The following OCA2 variants were observed in gnomAD, a reference collection of about 807,000 sequenced individuals.
OCA2 encodes the protein OCA2 melanosomal transmembrane protein, also known as P protein.
In OCA2, 77 loss-of-function variants were observed where a neutral mutation model predicts 100.2. That is an observed-to-expected ratio of 0.77 (90% CI 0.64 to 0.93). The LOEUF is 0.93. OCA2 is among the 40% of genes least tolerant of loss of function. The probability of loss-of-function intolerance (pLI) is 0.00; values close to 1 mark genes in which losing one functional copy is unlikely to be tolerated. For synonymous variants in OCA2, 432 were observed against 439.2 expected (o/e 0.98, Z 0.21); for missense variants, 1,062 against 1,089.1 (o/e 0.98, Z 0.35).
chr15:27,799,163 G>A (rs930044579), intron 23 of OCA2, among the ~76,000 whole-genome samples: 1 of 152,150 alleles, frequency 6.6e-6, no homozygotes, highest in Non-Finnish European at 1.5e-5. Flanking sequence ...GGAGACGATC[G>A]CTTCTGCATT....
chr15:27,827,144 A>G lies in OCA2; in HGVS notation c.2432+17815T>C, dbSNP rs200765176. 5.9e-5 allele frequency among the ~76,000 whole-genome samples: 9 copies of G among 152,330 alleles called. No individual in the cohort carries two copies. The East Asian group carries it at 1.7e-3, about 29-fold the overall frequency. Reference sequence around the variant, plus strand: ...TCATCAGTCTATTAAACTCAGCTTCATTCTCCACGGATATGAAACATATAA... The same window carrying G: ...TCATCAGTCTATTAAACTCAGCTTCGTTCTCCACGGATATGAAACATATAA... On this transcript the variant is annotated intron_variant, in intron 23 of 23. Transcript: ENST00000354638.
chr15:27,919,261 T>A (rs1476937964), intron 19 of OCA2, among the ~76,000 whole-genome samples: 1 of 152,154 alleles, frequency 6.6e-6, no homozygotes, highest in Non-Finnish European at 1.5e-5. Context: ...CTGGCCATAA[T>A]CCTTCATATT....
At chr15:28,004,482 C>T (rs1013424694) in intron 9 of OCA2, among the ~76,000 whole-genome samples, 6 of 152,228 alleles carry the variant, frequency 3.9e-5, no homozygotes, top group African/African-American at 1.4e-4. Context: ...CACACACCCA[C>T]ACACAGACAC....
chr15:27,871,225 T>A lies in OCA2; in HGVS notation c.2173A>T (p.Ile725Phe). 3.1e-6 allele frequency: 5 copies of A among 1,614,062 alleles called. No homozygotes were observed. The highest frequency in any genetic ancestry group is 4.2e-6 in the Non-Finnish European group (5 of 1,179,990). The change falls in exon 21 of 24, where the codon ATT (isoleucine) becomes TTT (phenylalanine). Residue 725 changes from isoleucine (I) to phenylalanine (F), a missense_variant. Coordinates refer to ENST00000354638, the MANE Select transcript of OCA2 (RefSeq NM_000275.3). Reference protein sequence around the residue: ...VPEEQRLIAAIVLVVWVSALA... With the variant: ...VPEEQRLIAAFVLVVWVSALA... ...GCTGAGACCCACACCACCAGGACAA[T>A]GGCGGCTATGAGGCGCTGCTCCTCT...
At chr15:27,875,941 A>C (rs1202401526) in intron 19 of OCA2, among the ~76,000 whole-genome samples, 4 of 152,050 alleles carry the variant, frequency 2.6e-5, no homozygotes, top group Admixed American at 2.6e-4. Context: ...GATTTTCTAC[A>C]TAAACAATCA....
At chr15:27,965,622 G>A (rs2040540017) in intron 15 of OCA2, among the ~76,000 whole-genome samples, 1 of 152,160 alleles carries the variant, frequency 6.6e-6, no homozygotes, top group Non-Finnish European at 1.5e-5. Context: ...AAGACAAACT[G>A]AGATCCTGTA....
intron 16 of OCA2, 48 bp from the exon 17 acceptor site, chr15:27,955,263 GGT>G (rs1567152517): frequency 7.5e-7 from 1 of 1,339,508 alleles, no homozygotes; most frequent in Non-Finnish European, 1.1e-6. Context: ...CACGCTGCGT[GGT>G]GAGATCGCGG....
At position 27,915,489 on chromosome 15, in the gene OCA2, A is replaced by G. The variant is rs940883326; in HGVS notation, c.2079+10638T>C. Among the ~76,000 whole-genome samples, 4 of 152,316 alleles carry G rather than the reference A, an allele frequency of 2.6e-5. No individual in the cohort carries two copies. In the East Asian group the frequency reaches 5.8e-4, roughly 22 times the overall value. On this transcript the variant is annotated intron_variant, in intron 19 of 23. Transcript: ENST00000354638. ...GACAAAGGTCTAATATTCAGAATCTATAAGAGACTTAAACAAATTTACAAG... is the reference window on the plus strand; with the variant it reads ...GACAAAGGTCTAATATTCAGAATCTGTAAGAGACTTAAACAAATTTACAAG...
intron 1 of OCA2, among the ~76,000 whole-genome samples, chr15:28,086,049 G>T (rs1457318080): frequency 6.6e-6 from 1 of 152,200 alleles, no homozygotes; most frequent in Admixed American, 6.5e-5. Context: ...CTTCGCAAAA[G>T]GCTGAGTAGG....
chr15:27,839,227 A>T (rs1475605466), intron 23 of OCA2, among the ~76,000 whole-genome samples: 1 of 150,068 alleles, frequency 6.7e-6, no homozygotes, highest in Non-Finnish European at 1.5e-5. Context: ...GAACAAAGGT[A>T]ATCACTAGAT....
intron 10 of OCA2, among the ~76,000 whole-genome samples, 179 bp from the exon 11 acceptor site, chr15:27,989,845 G>C (rs915228486): frequency 6.6e-6 from 1 of 152,176 alleles, no homozygotes; most frequent in Admixed American, 6.5e-5. Flanking sequence ...TCTTGACCCA[G>C]GGCATCTATA....
intron 23 of OCA2, among the ~76,000 whole-genome samples, chr15:27,763,546 C>A (rs1441673977): frequency 6.6e-6 from 1 of 152,218 alleles, no homozygotes; most frequent in African/African-American, 2.4e-5. Context: ...AAAGATGCCT[C>A]ACATCACTAG....
intron 19 of OCA2, among the ~76,000 whole-genome samples, chr15:27,894,468 T>C (rs768024339): frequency 2.6e-5 from 4 of 152,230 alleles, no homozygotes; most frequent in Non-Finnish European, 4.4e-5. Flanking sequence ...AGAATTCGTA[T>C]AGAGATGTGC....
chr15:27,883,591 G>A (rs1414901867), intron 19 of OCA2, among the ~76,000 whole-genome samples: 4 of 152,098 alleles, frequency 2.6e-5, no homozygotes, highest in Middle Eastern at 3.2e-3. Flanking sequence ...GGAGATCAAC[G>A]AGCATCACAC....
chr15:27,763,377 A>C (rs1028554988), intron 23 of OCA2, among the ~76,000 whole-genome samples: 2 of 152,240 alleles, frequency 1.3e-5, no homozygotes, highest in Non-Finnish European at 2.9e-5. Flanking sequence ...AGGAGAAAAC[A>C]TTTGCAGACC....
chr15:27,915,617 G>A (rs1225846035), intron 19 of OCA2, among the ~76,000 whole-genome samples: 1 of 151,972 alleles, frequency 6.6e-6, no homozygotes, highest in Non-Finnish European at 1.5e-5. Flanking sequence ...TGCTCAACAT[G>A]GCTAATCATG....
intron 18 of OCA2, among the ~76,000 whole-genome samples, chr15:27,934,042 C>T (rs1249824502): frequency 6.6e-6 from 1 of 151,806 alleles, no homozygotes; most frequent in African/African-American, 2.4e-5. Context: ...ATATACATAT[C>T]ACATACTTTA....
intron 15 of OCA2, among the ~76,000 whole-genome samples, chr15:27,963,413 G>A (rs2040467960): frequency 6.6e-6 from 1 of 152,040 alleles, no homozygotes; most frequent in African/African-American, 2.4e-5. Context: ...AAATGTTAAA[G>A]GATTCAAGAT....
chr15:27,791,351 G>T (rs2033071833), intron 23 of OCA2, among the ~76,000 whole-genome samples: 1 of 152,314 alleles, frequency 6.6e-6, no homozygotes, highest in Middle Eastern at 3.4e-3. Context: ...AACTATTGAT[G>T]TAAGCAGCAA....
Sources: gnomAD v4.1 joint callset for allele counts (sites outside exome capture counted in the v4.1 genomes callset) on GRCh38, gnomAD v4.1.1 for gene constraint, MANE v1.5 for transcripts, NCBI Gene and HGNC (gene_info 2026-07-23, HGNC 2026-07-21) for gene names.